Variants in SLK observed in about 807,000 individuals in gnomAD.
SLK encodes the protein STE20-like serine/threonine-protein kinase.
A neutral mutation model predicts 147.7 loss-of-function variants in SLK; 67 were observed. The observed-to-expected ratio is 0.45, with a 90% CI of 0.37 to 0.56. The LOEUF (loss-of-function observed/expected upper bound fraction) is 0.56, where lower values mean the gene tolerates loss of function less well. Among genes scored for constraint, SLK ranks in the 20% least tolerant of loss-of-function variants. The pLI, the probability that SLK is intolerant of heterozygous loss-of-function variation, is 0.00. For missense variants in SLK, 1,136 were observed against 1,438.8 expected, an observed-to-expected ratio of 0.79 and a Z score of 3.41; for synonymous variants, 441 against 475.0, an observed-to-expected ratio of 0.93 and a Z score of 0.93.
intron 1 of SLK, among the ~76,000 whole-genome samples, chr10:103,985,852 G>A (rs1170830610): frequency 6.6e-6 from 1 of 152,124 alleles, no homozygotes; most frequent in African/African-American, 2.4e-5. Context: ...GTAATATGAG[G>A]GTGTAATTTT....
At chr10:104,014,243 A>C (rs1204295174) in intron 13 of SLK, among the ~76,000 whole-genome samples, 1 of 152,248 alleles carries the variant, frequency 6.6e-6, no homozygotes, top group Non-Finnish European at 1.5e-5. Flanking sequence ...TGTTAAAAGT[A>C]GTGATTTTCA....
chr10:104,001,609 G>C (rs753184550), intron 8 of SLK, 37 bp downstream of exon 8: 18 of 1,610,174 alleles, frequency 1.1e-5, no homozygotes, highest in Non-Finnish European at 1.4e-5. Context: ...TTAGTGAATA[G>C]AGTTCGGTTT....
intron 18 of SLK, among the ~76,000 whole-genome samples, chr10:104,022,996 C>T (rs190605331): frequency 6.6e-6 from 1 of 152,312 alleles, no homozygotes. Flanking sequence ...TCAAAAGGTA[C>T]AGAATTGTAA....
intron 10 of SLK, 69 bp from the exon 11 acceptor site, chr10:104,005,843 T>A (rs1373701404): frequency 3.9e-5 from 57 of 1,476,168 alleles, no homozygotes; most frequent in Middle Eastern, 1.8e-4. Flanking sequence ...TTTAAAGCTT[T>A]AAAAAAAAAC....
At chr10:103,983,332 C>T (rs1843970656) in intron 1 of SLK, among the ~76,000 whole-genome samples, 1 of 152,192 alleles carries the variant, frequency 6.6e-6, no homozygotes, top group African/African-American at 2.4e-5. Flanking sequence ...GGTTTCCTCT[C>T]TCTTCACTTA....
In SLK at chr10:104,002,262, T is replaced by A; in HGVS notation, c.1084T>A (p.Ser362Thr). The stretch of plus-strand genomic sequence containing the variant: ...TTCACAAAATGCTTGTATTTTGGAG[T>A]CTGTCTCAGAAAAAACAGAACGTAG... ...KLSQNACILESVSEKTERSNS... is the reference protein window; with the variant it reads ...KLSQNACILETVSEKTERSNS... Residue 362 changes from serine (S) to threonine (T), a missense_variant, in exon 9 of 19, where the codon TCT (serine) becomes ACT (threonine). Ser to Thr is a moderately conservative substitution (Grantham distance 58). Coordinates refer to ENST00000369755, the MANE Select transcript of SLK (RefSeq NM_014720.4). The A allele has an allele frequency of 6.2e-7, 1 of 1,612,884 alleles. No homozygotes were observed. Among genetic ancestry groups the A allele is most frequent in the Non-Finnish European group, 8.5e-7 (1 of 1,179,162 alleles).
intron 13 of SLK, among the ~76,000 whole-genome samples, chr10:104,013,663 A>G (rs917849669): frequency 2.6e-5 from 4 of 152,322 alleles, no homozygotes. Context: ...CAGTCTTTTC[A>G]GTTGTCATCT....
intron 4 of SLK, 63 bp from the exon 5 acceptor site, chr10:103,998,836 C>G (rs1490590070): frequency 2.7e-6 from 3 of 1,131,724 alleles, no homozygotes; most frequent in Non-Finnish European, 4.0e-6. Flanking sequence ...CTTTTTCTCC[C>G]CATTGAATAC....
intron 12 of SLK, 55 bp from the exon 13 acceptor site, chr10:104,010,761 G>T (rs2134513547): frequency 2.6e-6 from 3 of 1,153,820 alleles, no homozygotes; most frequent in Non-Finnish European, 3.6e-6. Flanking sequence ...TCTCATAAAT[G>T]CTTGCTGTGG....
chr10:104,010,988 A>G (rs1844392639), intron 13 of SLK, 80 bp downstream of exon 13: 1 of 791,278 alleles, frequency 1.3e-6, no homozygotes, highest in East Asian at 2.9e-5. Context: ...TGAAAGGGTA[A>G]ATTTTAAGTG....
At chr10:103,987,829 G>A (rs1307078555) in intron 1 of SLK, among the ~76,000 whole-genome samples, 1 of 152,038 alleles carries the variant, frequency 6.6e-6, no homozygotes, top group African/African-American at 2.4e-5. Context: ...TAAGAACAAG[G>A]AAAAATGACC....
rs1015738552 is a variant in SLK at position 103,978,083 on chromosome 10, A to T, written c.150+10188A>T. Among the ~76,000 whole-genome samples, 19 of 151,922 alleles carry T rather than the reference A, an allele frequency of 1.3e-4. No homozygotes were observed. The East Asian group carries it at 3.5e-3, about 28-fold the overall frequency. On this transcript the variant is annotated intron_variant, in intron 1 of 18. Transcript: ENST00000369755. ...GTACCTTTGTTTTTTTCACTTGTCTAATTATGTTGATTAATCCTTCCTGAA... is the reference window on the plus strand; with the variant it reads ...GTACCTTTGTTTTTTTCACTTGTCTTATTATGTTGATTAATCCTTCCTGAA...
chr10:104,002,904 GA>G lies in SLK; in HGVS notation c.1728del (p.Val577TrpfsTer4). 6.2e-7 allele frequency: 1 copy of G among 1,614,192 alleles called. No homozygotes were observed. Among genetic ancestry groups the G allele is most frequent in the Non-Finnish European group, 8.5e-7 (1 of 1,180,024 alleles). ...GGATACGCAGAGTAATGATGGGAAA[GA>G]AGTGGTCGAAGTAGGCCAGAAATTA... ...AEDTQSNDGK[E>X]VVEVGQKLIN... is the part of the protein sequence containing the mutation. On this transcript the variant is annotated frameshift_variant, in exon 9 of 19. Coordinates refer to ENST00000369755, the MANE Select transcript of SLK (RefSeq NM_014720.4). LOFTEE classifies it high-confidence loss of function.
At chr10:103,982,933 C>T (rs951877952) in intron 1 of SLK, among the ~76,000 whole-genome samples, 16 of 152,190 alleles carry the variant, frequency 1.1e-4, no homozygotes, top group African/African-American at 3.6e-4. Context: ...TTTGGGATGG[C>T]CTTCCGCAAG....
At chr10:104,006,126 A>T (rs1355235875) in intron 11 of SLK, 91 bp downstream of exon 11, 1 of 1,332,256 alleles carries the variant, frequency 7.5e-7, no homozygotes, top group African/African-American at 1.5e-5. Flanking sequence ...AAGGTTGTAG[A>T]ACTTGTTCTC....
chr10:104,008,239 C>T lies in SLK; in HGVS notation c.2667C>T (p.Ile889=), dbSNP rs766301447. The T allele has an allele frequency of 6.2e-6, 10 of 1,613,908 alleles. No individual in the cohort carries two copies. Among genetic ancestry groups the T allele is most frequent in the South Asian group, 2.2e-5 (2 of 91,072 alleles). The change falls in exon 12 of 19, where the codon ATC becomes ATT. Residue 889 remains isoleucine (I), a synonymous_variant. Coordinates refer to ENST00000369755, the MANE Select transcript of SLK (RefSeq NM_014720.4). ...ENLEKQQKQT[I]ERLEQEHTNR... ...TAGAAAAACAGCAGAAACAGACTATCGAACGCCTGGAACAAGAGCACACAA... is the reference window on the plus strand; with the variant it reads ...TAGAAAAACAGCAGAAACAGACTATTGAACGCCTGGAACAAGAGCACACAA...
Position 104,018,890 on chromosome 10 carries a change from A to G in SLK, c.3114A>G (p.Leu1038=). The G allele has an allele frequency of 6.3e-7, 1 of 1,595,304 alleles. No individual in the cohort carries two copies. Among genetic ancestry groups the G allele is most frequent in the African/African-American group, 1.4e-5 (1 of 73,888 alleles). The stretch of plus-strand genomic sequence containing the variant: ...AGTATTTCATGCAAAGACATCAGCT[A>G]CTTAAGCGCCACGAGAAGGTTAATG... ...KDQYFMQRHQ[L]LKRHEKETEQ... Residue 1038 remains leucine, a synonymous_variant, in exon 15 of 19, where the codon CTA becomes CTG. Coordinates refer to ENST00000369755, the MANE Select transcript of SLK (RefSeq NM_014720.4).
chr10:104,021,013 C>T (rs1406497445), intron 17 of SLK, among the ~76,000 whole-genome samples: 1 of 152,038 alleles, frequency 6.6e-6, no homozygotes, highest in Non-Finnish European at 1.5e-5. Flanking sequence ...AGTTTATTTT[C>T]TTCTAGGTTT....
intron 7 of SLK, among the ~76,000 whole-genome samples, chr10:104,000,814 T>C (rs543145289): frequency 2.6e-5 from 4 of 152,004 alleles, no homozygotes; most frequent in African/African-American, 7.2e-5. Flanking sequence ...TCCCAGCACT[T>C]TGGGAGGCCG....
Sources: gnomAD v4.1 joint callset for allele counts (sites outside exome capture counted in the v4.1 genomes callset) on GRCh38, gnomAD v4.1.1 for gene constraint, MANE v1.5 for transcripts, NCBI Gene and HGNC (gene_info 2026-07-23, HGNC 2026-07-21) for gene names.